Variants in CNTNAP2 observed in about 807,000 individuals in gnomAD.
CNTNAP2 encodes contactin-associated protein-like 2.
In CNTNAP2, 98 loss-of-function variants were observed where a neutral mutation model predicts 155.2. The ratio of observed to expected loss-of-function variants is 0.63; its 90% confidence interval spans 0.54 to 0.75. CNTNAP2 has a LOEUF of 0.75. CNTNAP2 is among the 30% of genes least tolerant of loss of function. The pLI is 0.00. For synonymous variants in CNTNAP2, 651 were observed against 631.2 expected (o/e 1.03, Z -0.47); for missense variants, 1,727 against 1,688.1 (o/e 1.02, Z -0.40).
At chr7:147,274,188 GC>G (rs1176336318) in intron 8 of CNTNAP2, among the ~76,000 whole-genome samples, 2 of 151,974 alleles carry the variant, frequency 1.3e-5, no homozygotes, top group East Asian at 1.9e-4. Flanking sequence ...TAGTGGGATG[GC>G]TGGATCGAAT....
At chr7:146,829,270 C>A (rs1011089576) in intron 2 of CNTNAP2, among the ~76,000 whole-genome samples, 4 of 152,020 alleles carry the variant, frequency 2.6e-5, no homozygotes, top group Admixed American at 1.3e-4. Context: ...CTTTTGTTTG[C>A]CTAATTGCCA....
intron 1 of CNTNAP2, among the ~76,000 whole-genome samples, chr7:146,761,924 C>T (rs1200454035): frequency 1.3e-5 from 2 of 152,024 alleles, no homozygotes; most frequent in African/African-American, 4.8e-5. Context: ...CAAATCGCCA[C>T]TTCAAAGGAT....
At chr7:147,817,036 C>T (rs765186746) in intron 13 of CNTNAP2, among the ~76,000 whole-genome samples, 5 of 152,032 alleles carry the variant, frequency 3.3e-5, no homozygotes, top group African/African-American at 4.8e-5. Context: ...TTCCAGCCAC[C>T]AGGAAATAGA....
intron 1 of CNTNAP2, among the ~76,000 whole-genome samples, chr7:146,487,381 G>T (rs551166711): frequency 2.3e-4 from 35 of 152,306 alleles, no homozygotes; most frequent in African/African-American, 8.2e-4. Context: ...GCTAAGAAAT[G>T]AAATCATTGC....
At chr7:146,555,208 A>AT (rs1798179279) in intron 1 of CNTNAP2, among the ~76,000 whole-genome samples, 1 of 152,120 alleles carries the variant, frequency 6.6e-6, no homozygotes, top group African/African-American at 2.4e-5. Context: ...CTGAAAAGCT[A>AT]AAGATGCAGT....
At position 146,946,170 on chromosome 7, in the gene CNTNAP2, T is replaced by C. The variant is rs372162831; in HGVS notation, c.403-97737T>C. Among the ~76,000 whole-genome samples, 112 of 150,004 alleles carry C rather than the reference T, an allele frequency of 7.5e-4. 2 individuals carry two copies. In the South Asian group the frequency reaches 0.022, roughly 29 times the overall value. ...TCTTTCCTTCCTTCCTCCCTTTTCT[T>C]TCTCTCTCTCTCTCTGCTTCAAATA... is the stretch of plus-strand genomic sequence containing the variant. On this transcript the variant is annotated intron_variant, in intron 3 of 23. Coordinates refer to ENST00000361727, the MANE Select transcript of CNTNAP2 (RefSeq NM_014141.6).
At chr7:148,300,576 GA>G (rs71188963) in intron 21 of CNTNAP2, among the ~76,000 whole-genome samples, 62,415 of 126,324 alleles carry the variant, frequency 0.49, 14,247 homozygotes, top group Admixed American at 0.54. Flanking sequence ...GGCTAAGCAG[GA>G]AAAAAAAAAA....
intron 11 of CNTNAP2, among the ~76,000 whole-genome samples, chr7:147,545,703 G>A (rs1372162693): frequency 6.6e-6 from 1 of 152,146 alleles, no homozygotes; most frequent in Non-Finnish European, 1.5e-5. Context: ...CTGCCAGCAA[G>A]CCAGCCCAGC....
chr7:146,391,455 C>A (rs76955010), intron 1 of CNTNAP2, among the ~76,000 whole-genome samples: 7,844 of 151,882 alleles, frequency 0.052, 519 homozygotes, highest in African/African-American at 0.16. Flanking sequence ...TTATATTATT[C>A]TTATTATAGT....
At chr7:148,385,529 A>C (rs1339836455) in intron 22 of CNTNAP2, among the ~76,000 whole-genome samples, 1 of 152,144 alleles carries the variant, frequency 6.6e-6, no homozygotes, top group East Asian at 1.9e-4. Flanking sequence ...AAAGGGACCC[A>C]CTGCCTGAGG....
intron 14 of CNTNAP2, among the ~76,000 whole-genome samples, chr7:147,924,914 A>G (rs780013180): frequency 6.6e-6 from 1 of 151,918 alleles, no homozygotes; most frequent in South Asian, 2.1e-4. Context: ...TCAGGAGATC[A>G]AGACCATCCT....
At chr7:146,615,917 A>G (rs1467147598) in intron 1 of CNTNAP2, among the ~76,000 whole-genome samples, 1 of 152,174 alleles carries the variant, frequency 6.6e-6, no homozygotes, top group Non-Finnish European at 1.5e-5. Flanking sequence ...CTTCCCTTGG[A>G]ACATCTCTCC....
chr7:147,576,178 G>A (rs982242338), intron 12 of CNTNAP2, among the ~76,000 whole-genome samples: 3 of 151,928 alleles, frequency 2.0e-5, no homozygotes, highest in African/African-American at 7.2e-5. Flanking sequence ...TGTCTGTCTT[G>A]TTTACTACTG....
Position 147,017,282 on chromosome 7 carries a change from G to A in CNTNAP2, c.403-26625G>A, listed in dbSNP as rs189797012. 6.0e-3 allele frequency among the ~76,000 whole-genome samples: 894 copies of A among 149,068 alleles called. 8 individuals are homozygous for A. The highest frequency in any genetic ancestry group is 9.2e-3 in the Non-Finnish European group (620 of 67,728). On this transcript the variant is annotated intron_variant, in intron 3 of 23. Coordinates refer to ENST00000361727, the MANE Select transcript of CNTNAP2 (RefSeq NM_014141.6). ...AGCATTACACACACGTTATTTAACTGGAAAGTATAATAACTACAGCCATTT... is the reference window on the plus strand; with the variant it reads ...AGCATTACACACACGTTATTTAACTAGAAAGTATAATAACTACAGCCATTT...
At chr7:146,453,425 A>T (rs1796510562) in intron 1 of CNTNAP2, among the ~76,000 whole-genome samples, 1 of 152,184 alleles carries the variant, frequency 6.6e-6, no homozygotes, top group South Asian at 2.1e-4. Context: ...AAGACCCAAA[A>T]TGTTTCCAAG....
chr7:147,938,290 T>C (rs1193930070), intron 14 of CNTNAP2, among the ~76,000 whole-genome samples: 1 of 152,144 alleles, frequency 6.6e-6, no homozygotes, highest in African/African-American at 2.4e-5. Context: ...TCCCATTAAA[T>C]ACTAAGACCT....
chr7:146,235,151 T>G (rs775203600), intron 1 of CNTNAP2, among the ~76,000 whole-genome samples: 1 of 149,046 alleles, frequency 6.7e-6, no homozygotes, highest in African/African-American at 2.5e-5. Flanking sequence ...ATATCAGAGA[T>G]AAAAGCTATA....
chr7:147,939,549 G>A lies in CNTNAP2; in HGVS notation c.2255+35828G>A, dbSNP rs1438723417. ...TCACCATGTTGGCCAAGCTGGTCTC[G>A]AATTCCTGACCTTGTGACCCACCCA... is the stretch of plus-strand genomic sequence containing the variant. On this transcript the variant is annotated intron_variant, in intron 14 of 23. Transcript: ENST00000361727. 1.3e-5 allele frequency among the ~76,000 whole-genome samples: 2 copies of A among 152,018 alleles called. 1 individual carries two copies. Among genetic ancestry groups the A allele is most frequent in the South Asian group, 4.1e-4 (2 of 4,828 alleles).
At chr7:146,503,092 C>A (rs1383610160) in intron 1 of CNTNAP2, among the ~76,000 whole-genome samples, 1 of 152,044 alleles carries the variant, frequency 6.6e-6, no homozygotes, top group Non-Finnish European at 1.5e-5. Flanking sequence ...GGTTATTTAT[C>A]TTTTGTCAGA....
Sources: allele counts gnomAD v4.1 joint callset (sites outside exome capture counted in the v4.1 genomes callset), GRCh38; gene constraint gnomAD v4.1.1; transcripts MANE v1.5; gene names NCBI Gene and HGNC (gene_info 2026-07-23, HGNC 2026-07-21).